The following NAA25 variants were observed in gnomAD, a reference collection of about 807,000 sequenced individuals.
NAA25 encodes the protein N-alpha-acetyltransferase 25, NatB auxiliary subunit.
In NAA25, 30 loss-of-function variants were observed where a neutral mutation model predicts 132.5. The ratio of observed to expected loss-of-function variants is 0.23; its 90% CI spans 0.17 to 0.31. NAA25 has a LOEUF of 0.31. Among genes scored for constraint, NAA25 ranks in the 10% least tolerant of loss-of-function variants. The pLI is 1.00. For missense variants in NAA25, 771 were observed against 1,150.4 expected (o/e 0.67, Z 4.77); for synonymous variants, 359 against 401.9 (o/e 0.89, Z 1.28).
intron 1 of NAA25, among the ~76,000 whole-genome samples, chr12:112,105,559 A>G (rs1469012307): frequency 2.0e-5 from 3 of 152,212 alleles, no homozygotes; most frequent in African/African-American, 7.2e-5. Flanking sequence ...AACCCTAGAC[A>G]CCACCAGTAA....
chr12:112,051,462 C>T (rs777733072), intron 15 of NAA25, among the ~76,000 whole-genome samples: 7 of 152,130 alleles, frequency 4.6e-5, no homozygotes, highest in Non-Finnish European at 7.4e-5. Context: ...CCACCCACCT[C>T]GGCCTCCCAG....
intron 19 of NAA25, 142 bp downstream of exon 19, chr12:112,042,946 C>A (rs2078322871): frequency 7.4e-6 from 5 of 672,542 alleles, no homozygotes; most frequent in African/African-American, 5.3e-5. Flanking sequence ...TGTACCCTCT[C>A]ATACACTACA....
chr12:112,086,073 TAC>T lies in NAA25; in HGVS notation c.402+1608_402+1609del, dbSNP rs1555238727. ...AAAAATATATATATATATATATATATACACACACACACACACACACACACACA... is the reference window on the plus strand; with the variant it reads ...AAAAATATATATATATATATATATATACACACACACACACACACACACACA... On this transcript the variant is annotated intron_variant, in intron 4 of 23. Transcript: ENST00000261745. Among the ~76,000 whole-genome samples the T allele has an allele frequency of 3.1e-3, 168 of 53,964 alleles. 2 individuals carry two copies. Among genetic ancestry groups the T allele is most frequent in the East Asian group, 0.021 (9 of 434 alleles). 35.4% of individuals were successfully genotyped at this position (53,964 alleles called of 152,430 possible).
chr12:112,066,019 C>G (rs1179865747), intron 11 of NAA25, among the ~76,000 whole-genome samples: 2 of 152,162 alleles, frequency 1.3e-5, no homozygotes, highest in Non-Finnish European at 2.9e-5. Context: ...AGCTTTAAAT[C>G]CTTATTCTCA....
chr12:112,075,287 C>T (rs920198068), intron 8 of NAA25, among the ~76,000 whole-genome samples: 1 of 151,848 alleles, frequency 6.6e-6, no homozygotes, highest in Non-Finnish European at 1.5e-5. Context: ...CTCCCAGGTT[C>T]AAGCGATTCT....
At chr12:112,035,964 GTGT>G (rs1277451483) in intron 22 of NAA25, among the ~76,000 whole-genome samples, 1 of 152,150 alleles carries the variant, frequency 6.6e-6, no homozygotes, top group East Asian at 1.9e-4. Flanking sequence ...GGGATTATAG[GTGT>G]GAACCGCAGC....
chr12:112,065,075 C>G (rs2078695867), intron 11 of NAA25, among the ~76,000 whole-genome samples: 2 of 148,618 alleles, frequency 1.3e-5, no homozygotes, highest in Admixed American at 1.3e-4. Context: ...TAGAATCAGC[C>G]AGGCATGGTG....
intron 2 of NAA25, among the ~76,000 whole-genome samples, chr12:112,092,679 C>A (rs773643774): frequency 2.0e-5 from 3 of 149,512 alleles, no homozygotes; most frequent in East Asian, 2.5e-4. Context: ...CTTTCTCCCC[C>A]CCCTTTTTTT....
At chr12:112,079,001 T>C (rs553430144) in intron 5 of NAA25, among the ~76,000 whole-genome samples, 2 of 152,302 alleles carry the variant, frequency 1.3e-5, no homozygotes, top group Non-Finnish European at 1.5e-5. Context: ...TATTTATACA[T>C]TTTTCTAGAA....
intron 4 of NAA25, among the ~76,000 whole-genome samples, chr12:112,087,009 CAAAAAAAAAAAAA>C (rs57089089): frequency 2.8e-5 from 2 of 70,552 alleles, no homozygotes; most frequent in African/African-American, 9.1e-5. Context: ...ACTCCATCTC[CAAAAAAAAAAAAA>C]AAAAAAAATA....
At chr12:112,048,868 C>T (rs1239883477) in intron 15 of NAA25, among the ~76,000 whole-genome samples, 22 of 149,944 alleles carry the variant, frequency 1.5e-4, no homozygotes, top group Non-Finnish European at 3.0e-4. Context: ...GAACCACCTG[C>T]CCCCCGCCCC....
rs3841472 is a variant in NAA25 at position 112,107,569 on chromosome 12, T to TA, written c.58+1146dup. On this transcript the variant is annotated intron_variant, in intron 1 of 23. Transcript: ENST00000261745. ...GCTAAAATCAAATGAGATGTGAGAG[T>TA]AAAAAAAAAAATCACACAAATTATG... Among the ~76,000 whole-genome samples the TA allele has an allele frequency of 0.06, 8,603 of 144,006 alleles. 1,246 individuals carry two copies. The East Asian group carries it at 0.61, about 10-fold the overall frequency. The allele number at this position is 144,006 out of a possible 152,430, so 94.5% of individuals were successfully genotyped here.
At chr12:112,059,494 G>C (rs1434657284) in intron 13 of NAA25, among the ~76,000 whole-genome samples, 1 of 152,176 alleles carries the variant, frequency 6.6e-6, no homozygotes. Flanking sequence ...ACCATTTGCT[G>C]AATCATCCTT....
At chr12:112,080,294 A>AC (rs939264145) in intron 5 of NAA25, among the ~76,000 whole-genome samples, 32 of 150,036 alleles carry the variant, frequency 2.1e-4, no homozygotes, top group East Asian at 8.1e-4. Context: ...AAAAAAAAAA[A>AC]AAAAAACCCA....
chr12:112,080,950 A>G (rs1432464231), intron 5 of NAA25, 110 bp downstream of exon 5: 1 of 893,386 alleles, frequency 1.1e-6, no homozygotes, highest in Admixed American at 1.9e-5. Context: ...CCTGGGTGAC[A>G]GCGTGACCCT....
At chr12:112,105,435 G>C (rs1784036067) in intron 1 of NAA25, among the ~76,000 whole-genome samples, 1 of 152,224 alleles carries the variant, frequency 6.6e-6, no homozygotes, top group Admixed American at 6.5e-5. Context: ...ATGGGTTCCA[G>C]TAAGGTCATG....
At chr12:112,053,718 T>C in intron 14 of NAA25, 61 bp from the exon 15 acceptor site, 1 of 1,189,388 alleles carries the variant, frequency 8.4e-7, no homozygotes. Context: ...CTAGCTCAAG[T>C]AACAAATATT....
intron 1 of NAA25, among the ~76,000 whole-genome samples, chr12:112,094,450 A>T (rs2079184264): frequency 6.6e-6 from 1 of 152,138 alleles, no homozygotes; most frequent in South Asian, 2.1e-4. Flanking sequence ...ATAAAAACCA[A>T]AAAAGAAACC....
intron 15 of NAA25, among the ~76,000 whole-genome samples, chr12:112,051,366 A>G (rs1372478092): frequency 1.3e-5 from 2 of 152,094 alleles, no homozygotes; most frequent in African/African-American, 4.8e-5. Flanking sequence ...ACCTACCACC[A>G]TGCCTGGCTA....
Sources: allele counts gnomAD v4.1 joint callset (sites outside exome capture counted in the v4.1 genomes callset), GRCh38; gene constraint gnomAD v4.1.1; transcripts MANE v1.5; gene names NCBI Gene and HGNC (gene_info 2026-07-23, HGNC 2026-07-21).